Variants in ADAMTS6 observed in about 807,000 individuals in gnomAD.
The protein encoded by ADAMTS6 is A disintegrin and metalloproteinase with thrombospondin motifs 6.
Under a neutral mutation model 144.3 loss-of-function variants are expected in ADAMTS6, and 23 were observed. That is an observed-to-expected ratio of 0.16 (90% CI 0.11 to 0.23). ADAMTS6 has a LOEUF of 0.23. Ranked by LOEUF, ADAMTS6 falls within the 10% of genes least tolerant of loss-of-function variation. The pLI is 1.00. For synonymous variants in ADAMTS6, 444 were observed against 457.5 expected (o/e 0.97, Z 0.38); for missense variants, 999 against 1,379.6 (o/e 0.72, Z 4.37).
Position 65,471,047 on chromosome 5 carries a change from T to C in ADAMTS6, c.193A>G (p.Lys65Glu). 6.2e-7 allele frequency: 1 copy of C among 1,611,770 alleles called. No homozygotes were observed. Among genetic ancestry groups the C allele is most frequent in the Non-Finnish European group, 8.5e-7 (1 of 1,179,216 alleles). ...ATACTCCGTCTTCTCCTTGAGTGTTTATCATTTTTCACAGTAAAGCTGAGA... is the reference window on the plus strand; with the variant it reads ...ATACTCCGTCTTCTCCTTGAGTGTTCATCATTTTTCACAGTAAAGCTGAGA... Reference protein sequence around the residue: ...AFLSFTVKNDKHSRRRRSMDP... With the variant: ...AFLSFTVKNDEHSRRRRSMDP... The change falls in exon 3 of 25, where the codon AAA (lysine) becomes GAA (glutamate). Residue 65 changes from lysine to glutamate, a missense_variant. By Grantham distance (56) the Lys-to-Glu change is moderately conservative (BLOSUM62 1). Transcript: ENST00000381055.
At chr5:65,470,408 T>C (rs1760342603) in intron 3 of ADAMTS6, among the ~76,000 whole-genome samples, 1 of 152,200 alleles carries the variant, frequency 6.6e-6, no homozygotes, top group African/African-American at 2.4e-5. Flanking sequence ...GTCAGTGTTG[T>C]GGCTTCCTGC....
chr5:65,409,765 T>G (rs1031844305), intron 7 of ADAMTS6, among the ~76,000 whole-genome samples: 1 of 152,162 alleles, frequency 6.6e-6, no homozygotes, highest in Non-Finnish European at 1.5e-5. Context: ...ACTGGCAAAC[T>G]GAATCCAGCA....
rs376551573 is a variant in ADAMTS6 at position 65,260,699 on chromosome 5, T to C, written c.1767-36A>G. On this transcript the variant is annotated intron_variant, in intron 13 of 24. Transcript: ENST00000381055. ...ATTGTGTTTAAAATGTGAATACTAA[T>C]ACATCTGTCCATACAAAGAGTATAT... 7 of 1,514,658 alleles carry C rather than the reference T, an allele frequency of 4.6e-6. No homozygotes were observed. The African/African-American group carries it at 6.8e-5, about 15-fold the overall frequency. 93.8% of individuals were successfully genotyped at this position (1,514,658 alleles called of 1,614,324 possible).
At chr5:65,324,751 A>G (rs1260677999) in intron 9 of ADAMTS6, among the ~76,000 whole-genome samples, 2 of 152,164 alleles carry the variant, frequency 1.3e-5, no homozygotes, top group Non-Finnish European at 2.9e-5. Flanking sequence ...CAAAGAAGAT[A>G]TATGAGTTAT....
At chr5:65,237,630 T>TA (rs1758777862) in intron 15 of ADAMTS6, among the ~76,000 whole-genome samples, 1 of 152,046 alleles carries the variant, frequency 6.6e-6, no homozygotes, top group Non-Finnish European at 1.5e-5. Context: ...TACCAAAACT[T>TA]AGCAAAGACA....
chr5:65,436,117 A>C (rs1757379950), intron 7 of ADAMTS6, among the ~76,000 whole-genome samples: 1 of 152,106 alleles, frequency 6.6e-6, no homozygotes, highest in Admixed American at 6.5e-5. Context: ...TAATCCCAGC[A>C]CTTTGGGAGA....
intron 9 of ADAMTS6, among the ~76,000 whole-genome samples, chr5:65,328,233 C>T (rs1029766979): frequency 2.5e-4 from 38 of 151,978 alleles, no homozygotes; most frequent in African/African-American, 8.0e-4. Context: ...CAATTTTACT[C>T]TCCACTTCAA....
At chr5:65,348,356 C>T (rs962002266) in intron 7 of ADAMTS6, among the ~76,000 whole-genome samples, 2 of 152,020 alleles carry the variant, frequency 1.3e-5, no homozygotes, top group African/African-American at 4.8e-5. Context: ...TTATTTAAGA[C>T]AACATAGATG....
At chr5:65,407,934 G>A (rs1029087315) in intron 7 of ADAMTS6, among the ~76,000 whole-genome samples, 2 of 152,104 alleles carry the variant, frequency 1.3e-5, no homozygotes, top group Non-Finnish European at 2.9e-5. Context: ...ATCCTTTACA[G>A]ACAAGCAAAT....
rs140222411 is a variant in ADAMTS6, at chr5:65,471,585, G to A, written c.98-443C>T. ...AGAAATCATCACACGGTGAAACCCC[G>A]CCTCTACTAAAAATACAAAAAAATT... On this transcript the variant is annotated intron_variant, in intron 2 of 24. Coordinates refer to ENST00000381055, the MANE Select transcript of ADAMTS6 (RefSeq NM_197941.4). Among the ~76,000 whole-genome samples, 274 of 148,864 alleles carry A rather than the reference G, an allele frequency of 1.8e-3. 1 individual carries two copies. The highest frequency in any genetic ancestry group is 2.9e-3 in the Non-Finnish European group (194 of 67,894).
chr5:65,276,471 T>C (rs1246269268), intron 11 of ADAMTS6, among the ~76,000 whole-genome samples: 1 of 152,190 alleles, frequency 6.6e-6, no homozygotes, highest in African/African-American at 2.4e-5. Context: ...AATTTCGGAA[T>C]GTTTCCCAAG....
intron 3 of ADAMTS6, among the ~76,000 whole-genome samples, chr5:65,467,925 G>C (rs1760146482): frequency 1.3e-5 from 2 of 152,154 alleles, no homozygotes; most frequent in Non-Finnish European, 2.9e-5. Flanking sequence ...CATGAAAAAT[G>C]CCTCCAAAGA....
In ADAMTS6 at chr5:65,151,935, A is replaced by T. The variant is rs1752156563; in HGVS notation, c.3255T>A (p.Asp1085Glu). 6.2e-7 allele frequency: 1 copy of T among 1,612,996 alleles called. No individual in the cohort carries two copies. Among genetic ancestry groups the T allele is most frequent in the Admixed American group, 1.7e-5 (1 of 60,026 alleles). Residue 1085 changes from aspartate to glutamate, a missense_variant, in exon 25 of 25, where the codon GAT (aspartate) becomes GAA (glutamate). Physicochemically the swap from Asp to Glu is conservative, Grantham distance 45. Coordinates refer to ENST00000381055, the MANE Select transcript of ADAMTS6 (RefSeq NM_197941.4). ...GTGGGCAATAAGCCACTTTATTCAC[A>T]TCTTTGCACTCTAACGAATGGGGGC... is the stretch of plus-strand genomic sequence containing the variant. ...TPISNTEECK[D>E]VNKVAYCPLV...
At position 65,334,029 on chromosome 5, in the gene ADAMTS6, A is replaced by G. The variant is rs768694657; in HGVS notation, c.1117+13T>C. The G allele has an allele frequency of 7.0e-7, 1 of 1,425,794 alleles. No individual in the cohort carries two copies. Among genetic ancestry groups the G allele is most frequent in the South Asian group, 1.7e-5 (1 of 58,296 alleles). 88.3% of individuals were successfully genotyped at this position (1,425,794 alleles called of 1,614,324 possible). On this transcript the variant is annotated intron_variant, in intron 8 of 24. Transcript: ENST00000381055. ...AAAAAAAAAAAAAAAAAAAAAAACC[A>G]AAAAAAACTTACCCAGTGTTCCACA... is the stretch of plus-strand genomic sequence containing the variant.
intron 22 of ADAMTS6, among the ~76,000 whole-genome samples, chr5:65,178,486 C>T (rs1000774949): frequency 6.6e-6 from 1 of 152,188 alleles, no homozygotes; most frequent in Non-Finnish European, 1.5e-5. Context: ...AAACTCATGT[C>T]GGCCCCAGCC....
intron 7 of ADAMTS6, among the ~76,000 whole-genome samples, chr5:65,365,756 C>G (rs1580502090): frequency 6.6e-6 from 1 of 151,764 alleles, no homozygotes; most frequent in East Asian, 1.9e-4. Flanking sequence ...TTTAGTATAT[C>G]TTTTATAGAT....
rs919455228 is a variant in ADAMTS6 at position 65,369,412 on chromosome 5, T to A, written c.1074-35327A>T. Among the ~76,000 whole-genome samples, 19 of 152,234 alleles carry A rather than the reference T, an allele frequency of 1.2e-4. No homozygotes were observed. The East Asian group carries it at 2.9e-3, about 23-fold the overall frequency. On this transcript the variant is annotated intron_variant, in intron 7 of 24. Transcript: ENST00000381055. The stretch of plus-strand genomic sequence containing the variant: ...CTATTTGACCTACAAAAGTGGCAAT[T>A]TCATATAGTTCAAACTAAGAAGTAC...
intron 20 of ADAMTS6, among the ~76,000 whole-genome samples, chr5:65,197,397 T>C (rs1755456729): frequency 6.6e-6 from 1 of 152,226 alleles, no homozygotes; most frequent in Admixed American, 6.5e-5. Flanking sequence ...ATTGGTAATC[T>C]TAAACAATTT....
chr5:65,329,452 A>T lies in ADAMTS6; in HGVS notation c.1149T>A (p.Pro383=). 1.2e-6 allele frequency: 2 copies of T among 1,612,520 alleles called. No homozygotes were observed. The highest frequency in any genetic ancestry group is 1.7e-6 in the Non-Finnish European group (2 of 1,179,160). Residue 383 remains proline, a synonymous_variant, in exon 9 of 25, where the codon CCT becomes CCA. Coordinates refer to ENST00000381055, the MANE Select transcript of ADAMTS6 (RefSeq NM_197941.4). ...CTTCATTAATGCTGCAGCTCCTTTC[A>T]GGCTCACACATTCCAGCCACAGAGG... ...GLASVAGMCE[P]ERSCSINEDI...
Sources: allele counts gnomAD v4.1 joint callset (sites outside exome capture counted in the v4.1 genomes callset), GRCh38; gene constraint gnomAD v4.1.1; transcripts MANE v1.5; gene names NCBI Gene and HGNC (gene_info 2026-07-23, HGNC 2026-07-21).